Variants in MCPH1 observed in about 807,000 individuals in gnomAD.
The protein encoded by MCPH1 is microcephalin 1.
A neutral mutation model predicts 84.5 loss-of-function variants in MCPH1; 104 were observed. The observed-to-expected ratio is 1.23, with a 90% CI of 1.05 to 1.45. The LOEUF (loss-of-function observed/expected upper bound fraction) is 1.45, where lower values mean the gene tolerates loss of function less well. MCPH1 is among the 40% of genes most tolerant of loss of function. MCPH1 has a pLI of 0.00. For missense variants in MCPH1, 1,498 were observed against 1,005.7 expected (o/e 1.49, Z -6.62); for synonymous variants, 514 against 366.8 (o/e 1.40, Z -4.58).
chr8:6,592,743 C>T (rs1277942811), intron 12 of MCPH1, among the ~76,000 whole-genome samples: 2 of 151,268 alleles, frequency 1.3e-5, no homozygotes, highest in Non-Finnish European at 2.9e-5. Context: ...CAACCTCTGC[C>T]TCCCAGGCTG....
At chr8:6,438,484 C>A (rs1445334028) in intron 5 of MCPH1, among the ~76,000 whole-genome samples, 1 of 152,164 alleles carries the variant, frequency 6.6e-6, no homozygotes, top group South Asian at 2.1e-4. Flanking sequence ...CTTCATGGTT[C>A]CGGGACCATG....
chr8:6,407,909 A>G (rs1370870535), intron 1 of MCPH1, among the ~76,000 whole-genome samples: 1 of 152,202 alleles, frequency 6.6e-6, no homozygotes, highest in Admixed American at 6.5e-5. Context: ...GAAAAATTAT[A>G]TCACATTCAC....
intron 2 of MCPH1, among the ~76,000 whole-genome samples, chr8:6,414,539 A>G (rs1440010576): frequency 6.6e-6 from 1 of 152,118 alleles, no homozygotes; most frequent in East Asian, 1.9e-4. Context: ...CTATTCTTTC[A>G]GTAACACTTC....
chr8:6,479,726 A>G (rs1412183823), intron 10 of MCPH1, among the ~76,000 whole-genome samples: 1 of 152,170 alleles, frequency 6.6e-6, no homozygotes, highest in African/African-American at 2.4e-5. Context: ...CTAATGTCAG[A>G]ACTAATGGCA....
At position 6,444,761 on chromosome 8, in the gene MCPH1, T is replaced by C. The variant is rs1234681223; in HGVS notation, c.1039T>C (p.Ser347Pro). ...AACAAAAGGCCACCTTTTGATACATTCAAGACCCAGGAGTTCCTCAGTAAA... is the reference window on the plus strand; with the variant it reads ...AACAAAAGGCCACCTTTTGATACATCCAAGACCCAGGAGTTCCTCAGTAAA... ...SSTKGHLLIH[S>P]RPRSSSVKRK... is the part of the protein sequence containing the mutation. The change falls in exon 8 of 14, where the codon TCA becomes CCA. Residue 347 changes from serine to proline, a missense_variant. Transcript: ENST00000344683. The C allele has an allele frequency of 6.2e-7, 1 of 1,614,070 alleles. No individual in the cohort carries two copies. The highest frequency in any genetic ancestry group is 1.1e-5 in the South Asian group (1 of 91,074).
chr8:6,627,213 A>T (rs1796800335), intron 13 of MCPH1: 1 of 985,236 alleles, frequency 1.0e-6, no homozygotes, highest in African/African-American at 1.7e-5. Flanking sequence ...GGGCTTCCTG[A>T]TTCAGTAGAT....
Position 6,444,768 on chromosome 8 carries a change from C to G in MCPH1, c.1046C>G (p.Pro349Arg), listed in dbSNP as rs981284257. Residue 349 changes from proline (P) to arginine (R), a missense_variant, in exon 8 of 14, where the codon CCC (proline) becomes CGC (arginine). Physicochemically the swap from Pro to Arg is moderately radical, Grantham distance 103 (BLOSUM62 -2). Transcript: ENST00000344683. ...TKGHLLIHSR[P>R]RSSSVKRKRV... The stretch of plus-strand genomic sequence containing the variant: ...GGCCACCTTTTGATACATTCAAGAC[C>G]CAGGAGTTCCTCAGTAAAGAGAAAA... 2 of 1,614,036 alleles carry G rather than the reference C, an allele frequency of 1.2e-6. No homozygotes were observed. The highest frequency in any genetic ancestry group is 2.2e-5 in the South Asian group (2 of 91,078).
At chr8:6,542,834 C>G (rs1006035121) in intron 12 of MCPH1, among the ~76,000 whole-genome samples, 1 of 152,038 alleles carries the variant, frequency 6.6e-6, no homozygotes, top group African/African-American at 2.4e-5. Context: ...TTTACTTGGT[C>G]ACAATGACTA....
At chr8:6,603,297 T>A (rs545462733) in intron 12 of MCPH1, among the ~76,000 whole-genome samples, 1 of 152,232 alleles carries the variant, frequency 6.6e-6, no homozygotes, top group South Asian at 2.1e-4. Context: ...CACTGGTGAT[T>A]GTGCAGGGGT....
chr8:6,535,802 C>A (rs1163726046), intron 12 of MCPH1, among the ~76,000 whole-genome samples: 1 of 151,858 alleles, frequency 6.6e-6, no homozygotes, highest in Non-Finnish European at 1.5e-5. Context: ...AATCCCAGCA[C>A]TTTGGGAGGC....
chr8:6,635,654 C>T (rs1229677987), intron 13 of MCPH1, among the ~76,000 whole-genome samples: 2 of 152,124 alleles, frequency 1.3e-5, no homozygotes, highest in African/African-American at 4.8e-5. Context: ...GTACACTGAA[C>T]CAACAGAAAG....
intron 12 of MCPH1, among the ~76,000 whole-genome samples, chr8:6,558,486 G>T (rs1825010083): frequency 6.6e-6 from 1 of 152,144 alleles, no homozygotes; most frequent in African/African-American, 2.4e-5. Flanking sequence ...ACCATCCTGA[G>T]CATCTGATCA....
intron 12 of MCPH1, among the ~76,000 whole-genome samples, chr8:6,505,309 A>ATTCTTT (rs1377053213): frequency 7.5e-5 from 4 of 53,562 alleles, no homozygotes; most frequent in African/African-American, 4.4e-4. Context: ...ATATGTATAT[A>ATTCTTT]ACATATATAT....
rs1179701108 is a variant in MCPH1, at chr8:6,446,595, G to C, written c.1825+1048G>C. ...TTATGTTCCATTAGCCTTAGTATGTGTTTTCAAAATATTTATTTTAAAATG... is the reference window on the plus strand; with the variant it reads ...TTATGTTCCATTAGCCTTAGTATGTCTTTTCAAAATATTTATTTTAAAATG... On this transcript the variant is annotated intron_variant, in intron 8 of 13. Coordinates refer to ENST00000344683, the MANE Select transcript of MCPH1 (RefSeq NM_024596.5). The C allele has an allele frequency of 9.2e-6, 9 of 980,100 alleles. No homozygotes were observed. The East Asian group carries it at 9.1e-4, about 99-fold the overall frequency. The allele number at this position is 980,100 out of a possible 1,614,324, so 60.7% of individuals were successfully genotyped here.
rs149066652 is a variant in MCPH1 at position 6,579,010 on chromosome 8, G to A, written c.2215-42444G>A. On this transcript the variant is annotated intron_variant, in intron 12 of 13. Coordinates refer to ENST00000344683, the MANE Select transcript of MCPH1 (RefSeq NM_024596.5). ...CAGTGGAGCTGCATGATCTGGTCTG[G>A]GGATATTTCAAAGGGAATAGAATAC... Among the ~76,000 whole-genome samples, 476 of 152,296 alleles carry A rather than the reference G, an allele frequency of 3.1e-3. 2 individuals carry two copies. Among genetic ancestry groups the A allele is most frequent in the African/African-American group, 0.01 (432 of 41,536 alleles).
intron 9 of MCPH1, among the ~76,000 whole-genome samples, chr8:6,458,589 C>T (rs1805951168): frequency 6.6e-6 from 1 of 151,862 alleles, no homozygotes; most frequent in South Asian, 2.1e-4. Flanking sequence ...TATTATTTTA[C>T]AGGTTAGAAG....
rs1041939771 is a variant in MCPH1, at chr8:6,444,814, T to C, written c.1092T>C (p.His364=). 6.2e-7 allele frequency: 1 copy of C among 1,614,088 alleles called. No individual in the cohort carries two copies. The highest frequency in any genetic ancestry group is 1.1e-5 in the South Asian group (1 of 91,080). The stretch of plus-strand genomic sequence containing the variant: ...GAAAAAGAGTATCACATGGCTCCCA[T>C]TCACCTCCGAAGGAAAAATGCAAGA... The part of the protein sequence containing the change: ...VKRKRVSHGS[H]SPPKEKCKRK... The change falls in exon 8 of 14, where the codon CAT becomes CAC. Residue 364 remains histidine, a synonymous_variant. Coordinates refer to ENST00000344683, the MANE Select transcript of MCPH1 (RefSeq NM_024596.5).
At position 6,647,933 on chromosome 8, in the gene MCPH1, A is replaced by AAGAG; in HGVS notation, c.*4894_*4897dup. Reference sequence around the variant, plus strand: ...CAATAAAGCTATTTTTTTTAAAAAAAAGAGAGAGAGAGAACGAGAGCTACA... The same window carrying AAGAG: ...CAATAAAGCTATTTTTTTTAAAAAAAAGAGAGAGAGAGAGAGAACGAGAGCTACA... On this transcript the variant is annotated 3_prime_UTR_variant, in exon 14 of 14. Transcript: ENST00000344683. The AAGAG allele has an allele frequency of 6.6e-6, 1 of 151,646 alleles. No individual in the cohort carries two copies. The highest frequency in any genetic ancestry group is 2.1e-4 in the South Asian group (1 of 4,770). The allele number at this position is 151,646 out of a possible 1,614,324, so 9.4% of individuals were successfully genotyped here.
intron 12 of MCPH1, among the ~76,000 whole-genome samples, chr8:6,564,602 A>C (rs1437002890): frequency 6.6e-6 from 1 of 152,164 alleles, no homozygotes; most frequent in African/African-American, 2.4e-5. Flanking sequence ...CTCAAGGTAC[A>C]AGGTTTATTA....
Sources: gnomAD v4.1 joint callset for allele counts (sites outside exome capture counted in the v4.1 genomes callset) on GRCh38, gnomAD v4.1.1 for gene constraint, MANE v1.5 for transcripts, NCBI Gene and HGNC (gene_info 2026-07-23, HGNC 2026-07-21) for gene names.